ARL17A: variants seen among roughly 807,000 people sequenced by gnomAD.
ARL17A encodes ARF like GTPase 17A, also known as ADP-ribosylation factor-like 17-like.
At chr17:46,525,691 C>G (rs1481235833), downstream of ARL17A, among the ~76,000 whole-genome samples, 1 of 118,192 alleles carries the variant, frequency 8.5e-6, no homozygotes, top group African/African-American at 3.0e-5. Context: ...CAGGAAAACA[C>G]TGGAATCACA....
At position 46,558,511 on chromosome 17, in the gene ARL17A, C is replaced by T. The variant is rs1403788210; in HGVS notation, c.260-881G>A. ...AAGTGATTCTCCTGCCTCAGCCTCC[C>T]GAATAGCTGGGATTACAGGCACCCA... On this transcript the variant is annotated intron_variant, in intron 3 of 3. Transcript: ENST00000336125. Among the ~76,000 whole-genome samples, 9 of 123,086 alleles carry T rather than the reference C, an allele frequency of 7.3e-5. 1 individual carries two copies. The highest frequency in any genetic ancestry group is 5.4e-4 in the East Asian group (2 of 3,696). The allele number at this position is 123,086 out of a possible 152,430, so 80.7% of individuals were successfully genotyped here.
At chr17:46,547,184 A>G (rs1261710557) in intron 3 of ARL17A, 1 of 57,766 alleles carries the variant, frequency 1.7e-5, no homozygotes, top group Non-Finnish European at 3.6e-5. Flanking sequence ...TTTTTTACCA[A>G]TTATGTTATT....
intron 2 of ARL17A, among the ~76,000 whole-genome samples, chr17:46,575,028 G>A (rs1362490928): frequency 5.1e-5 from 4 of 78,750 alleles, no homozygotes; most frequent in East Asian, 4.7e-4. Flanking sequence ...CCCAGGAGGC[G>A]GAGGTTGTAG....
chr17:46,525,517 G>A (rs2458046), downstream of ARL17A, among the ~76,000 whole-genome samples: 4 of 111,190 alleles, frequency 3.6e-5, no homozygotes, highest in African/African-American at 9.7e-5. Flanking sequence ...AAACCAGGAG[G>A]CGGAGGTTGC....
In ARL17A at chr17:46,552,951, A is replaced by G. The variant is rs2056935921; in HGVS notation, c.*4405T>C. Among the ~76,000 whole-genome samples the G allele has an allele frequency of 7.0e-6, 1 of 142,988 alleles. No individual in the cohort carries two copies. The highest frequency in any genetic ancestry group is 1.5e-5 in the Non-Finnish European group (1 of 66,822). 93.8% of individuals were successfully genotyped at this position (142,988 alleles called of 152,430 possible). ...GCACCTGTAGTCTCAGCTACTCAAGAGGCTGAGGTGGGCGGATCACTGGAG... is the reference window on the plus strand; with the variant it reads ...GCACCTGTAGTCTCAGCTACTCAAGGGGCTGAGGTGGGCGGATCACTGGAG... On this transcript the variant is annotated 3_prime_UTR_variant, in exon 4 of 4. Coordinates refer to ENST00000336125, the MANE Select transcript of ARL17A (RefSeq NM_001113738.2).
intron 3 of ARL17A, among the ~76,000 whole-genome samples, chr17:46,569,266 C>T (rs2057640099): frequency 6.6e-6 from 1 of 150,974 alleles, no homozygotes; most frequent in Admixed American, 6.6e-5. Context: ...TTTGATACAA[C>T]TGGAGAAATT....
intron 4 of ARL17A, among the ~76,000 whole-genome samples, chr17:46,530,157 G>A (rs1459904558): frequency 7.4e-6 from 1 of 135,200 alleles, no homozygotes; most frequent in Non-Finnish European, 1.6e-5. Flanking sequence ...CTCCCAAAGT[G>A]CTGAGATTAC....
downstream of ARL17A, chr17:46,548,970 C>T (rs368129131): frequency 7.4e-5 from 120 of 1,612,380 alleles, 10 homozygotes; most frequent in African/African-American, 1.1e-3. Flanking sequence ...ACTTAACCCA[C>T]GCTATTTCCA....
At chr17:46,541,415 C>T (rs2055294434) in intron 3 of ARL17A, among the ~76,000 whole-genome samples, 1 of 148,330 alleles carries the variant, frequency 6.7e-6, no homozygotes, top group African/African-American at 2.6e-5. Flanking sequence ...CCACACCTGG[C>T]TAATTTTTGT....
chr17:46,529,784 C>T (rs1412789900), intron 4 of ARL17A, among the ~76,000 whole-genome samples: 50 of 106,710 alleles, frequency 4.7e-4, no homozygotes, highest in African/African-American at 1.5e-3. Context: ...CTCCATGGCC[C>T]AGGCACAACC....
At chr17:46,530,384 G>A (rs1257449659) in intron 4 of ARL17A, among the ~76,000 whole-genome samples, 1 of 144,544 alleles carries the variant, frequency 6.9e-6, no homozygotes, top group Non-Finnish European at 1.5e-5. Flanking sequence ...CTTTCTCTTT[G>A]TAACATCATC....
intron 3 of ARL17A, among the ~76,000 whole-genome samples, chr17:46,542,696 AAT>A (rs1273255706): frequency 6.7e-6 from 1 of 150,014 alleles, no homozygotes; most frequent in Non-Finnish European, 1.5e-5. Flanking sequence ...CCCTGTCTAA[AAT>A]ATATATATAT....
the ARL17A span, among the ~76,000 whole-genome samples, chr17:46,502,114 T>G: frequency 1.4e-4 from 21 of 151,362 alleles, 1 homozygote; most frequent in African/African-American, 5.2e-4. Context: ...CTTTGGACCT[T>G]GAGACCACTT....
Position 46,541,107 on chromosome 17 carries a change from G to GT in ARL17A, c.260-2682dup, listed in dbSNP as rs1465021412. Among the ~76,000 whole-genome samples the GT allele has an allele frequency of 1.1e-3, 132 of 121,772 alleles. 2 individuals carry two copies. Among genetic ancestry groups the GT allele is most frequent in the Middle Eastern group, 7.5e-3 (2 of 266 alleles). The allele number at this position is 121,772 out of a possible 152,430, so 79.9% of individuals were successfully genotyped here. A position where few individuals can be genotyped will look rare whatever the true frequency, so the allele number is the denominator to read the frequency against. On this transcript the variant is annotated intron_variant, in intron 3 of 4. Coordinates refer to the ARL17A transcript ENST00000329240. ...TCAAAAAGGCCCCTACTGTCCCTTT[G>GT]TAGGCAATCCCATCCTCCCACCATC... is the stretch of plus-strand genomic sequence containing the variant.
intron 4 of ARL17A, among the ~76,000 whole-genome samples, chr17:46,532,948 T>A (rs2053929568): frequency 7.9e-6 from 1 of 127,000 alleles, no homozygotes; most frequent in Non-Finnish European, 1.6e-5. Flanking sequence ...AAAAAAAATG[T>A]AAAAGTTAGC....
chr17:46,500,901 C>T, the ARL17A span, among the ~76,000 whole-genome samples: 2 of 151,106 alleles, frequency 1.3e-5, no homozygotes, highest in Non-Finnish European at 2.9e-5. Flanking sequence ...AGTTCTGGGC[C>T]GGGCACTGTG....
At chr17:46,529,818 G>T (rs1313817162) in intron 4 of ARL17A, among the ~76,000 whole-genome samples, 1 of 120,488 alleles carries the variant, frequency 8.3e-6, no homozygotes, top group East Asian at 2.5e-4. Context: ...GAATGCCTTA[G>T]AACAGGAGGA....
chr17:46,532,255 A>T (rs1387952909), intron 4 of ARL17A, among the ~76,000 whole-genome samples: 1 of 149,044 alleles, frequency 6.7e-6, no homozygotes, highest in Non-Finnish European at 1.5e-5. Flanking sequence ...ACCATAGATC[A>T]GTTTGGAGAA....
chr17:46,500,868 A>G, the ARL17A span, among the ~76,000 whole-genome samples: 1 of 150,948 alleles, frequency 6.6e-6, no homozygotes, highest in Non-Finnish European at 1.5e-5. Flanking sequence ...AAACAGCACA[A>G]CCTGGGAATT....
Sources: allele counts gnomAD v4.1 joint callset (sites outside exome capture counted in the v4.1 genomes callset), GRCh38; gene constraint gnomAD v4.1.1; transcripts MANE v1.5; gene names NCBI Gene and HGNC (gene_info 2026-07-23, HGNC 2026-07-21).